The following DNAH12 variants were observed in gnomAD, a reference collection of about 807,000 sequenced individuals.
The protein encoded by DNAH12 is dynein axonemal heavy chain 12, also known as axonemal beta dynein heavy chain 12.
Under a neutral mutation model 371.5 loss-of-function variants are expected in DNAH12, and 285 were observed. The ratio of observed to expected loss-of-function variants is 0.77; its 90% confidence interval spans 0.70 to 0.85. DNAH12 has a LOEUF of 0.85. Among genes scored for constraint, DNAH12 ranks in the 40% least tolerant of loss-of-function variants. The pLI is 0.00. For synonymous variants in DNAH12, 1,200 were observed against 1,213.0 expected (o/e 0.99, Z 0.22); for missense variants, 3,611 against 3,689.4 (o/e 0.98, Z 0.55).
intron 60 of DNAH12, among the ~76,000 whole-genome samples, chr3:57,349,863 T>G (rs552010576): frequency 1.3e-5 from 2 of 152,150 alleles, no homozygotes; most frequent in African/African-American, 4.8e-5. Context: ...AATTTTTTTG[T>G]ATTTTTAGTA....
At position 57,523,731 on chromosome 3, in the gene DNAH12, T is replaced by C. The variant is rs1005063174; in HGVS notation, c.252+72A>G. ...TTATTCCTTTTAAAAACATCAGTTA[T>C]ATTGAGATTGTCTTAACTACAAATT... On this transcript the variant is annotated intron_variant, in intron 3 of 73. Transcript: ENST00000495027. 11 of 1,399,966 alleles carry C rather than the reference T, an allele frequency of 7.9e-6. No homozygotes were observed. The African/African-American group carries it at 8.8e-5, about 11-fold the overall frequency. 86.7% of individuals were successfully genotyped at this position (1,399,966 alleles called of 1,614,324 possible).
chr3:57,350,887 CT>C (rs2062655279), intron 60 of DNAH12, among the ~76,000 whole-genome samples: 1 of 152,188 alleles, frequency 6.6e-6, no homozygotes, highest in Non-Finnish European at 1.5e-5. Context: ...AAGTGTTCAA[CT>C]TCATTAGTCA....
At chr3:57,482,908 A>C in intron 13 of DNAH12, among the ~76,000 whole-genome samples, 1 of 112,670 alleles carries the variant, frequency 8.9e-6, no homozygotes. Context: ...AACATCACAC[A>C]CCGGGGACTG....
At chr3:57,373,507 G>A (rs2153338140) in intron 55 of DNAH12, among the ~76,000 whole-genome samples, 1 of 146,304 alleles carries the variant, frequency 6.8e-6, no homozygotes, top group South Asian at 2.2e-4. Context: ...TGTATTTTCA[G>A]TAGAGGTGGG....
intron 29 of DNAH12, among the ~76,000 whole-genome samples, chr3:57,442,580 AAGTC>A (rs2065342467): frequency 6.6e-6 from 1 of 152,218 alleles, no homozygotes; most frequent in African/African-American, 2.4e-5. Context: ...AATCCAAAAG[AAGTC>A]AGTAAAACAA....
intron 2 of DNAH12, chr3:57,530,353 CT>C (rs1279559728): frequency 1.7e-5 from 8 of 465,848 alleles, no homozygotes; most frequent in African/African-American, 5.9e-5. Flanking sequence ...ATTTATTTGC[CT>C]TTCTGGGCCT....
chr3:57,299,867 T>C (rs999296922), intron 70 of DNAH12, among the ~76,000 whole-genome samples: 2 of 152,086 alleles, frequency 1.3e-5, no homozygotes, highest in African/African-American at 4.8e-5. Flanking sequence ...CTGAACTGAC[T>C]AAAAAGGAGA....
chr3:57,334,841 C>A lies in DNAH12; in HGVS notation c.9774G>T (p.Gln3258His). Reference sequence around the variant, plus strand: ...GACAGATTTCCTCCCAGCTTTTGTCCTGTAGCCAAGTTGGATCAGGATTTT... The same window carrying A: ...GACAGATTTCCTCCCAGCTTTTGTCATGTAGCCAAGTTGGATCAGGATTTT... Reference protein sequence around the residue: ...AEKNPDPTWLQDKSWEEICRA... With the variant: ...AEKNPDPTWLHDKSWEEICRA... Residue 3258 changes from glutamine to histidine, a missense_variant, in exon 61 of 74, where the codon CAG (glutamine) becomes CAT (histidine). Around this residue, in one of 3 missense-constraint regions of DNAH12, gnomAD observed 2,266 missense variants for 2,236.9 expected, o/e 1.01. Coordinates refer to ENST00000495027, the MANE Select transcript of DNAH12 (RefSeq NM_001366028.2). The A allele has an allele frequency of 6.4e-7, 1 of 1,552,056 alleles. No homozygotes were observed. Among genetic ancestry groups the A allele is most frequent in the Non-Finnish European group, 8.7e-7 (1 of 1,147,066 alleles).
intron 4 of DNAH12, among the ~76,000 whole-genome samples, chr3:57,511,836 A>T (rs1204639581): frequency 6.6e-6 from 1 of 152,206 alleles, no homozygotes; most frequent in Non-Finnish European, 1.5e-5. Flanking sequence ...GAAGGTTTTA[A>T]TAACTATTTC....
At chr3:57,463,253 G>T (rs2066107781) in intron 17 of DNAH12, among the ~76,000 whole-genome samples, 1 of 151,142 alleles carries the variant, frequency 6.6e-6, no homozygotes, top group Non-Finnish European at 1.5e-5. Context: ...CGGCCTGGGT[G>T]ACAGAGTGAG....
At chr3:57,326,076 C>G (rs1454746859) in intron 62 of DNAH12, among the ~76,000 whole-genome samples, 3 of 152,090 alleles carry the variant, frequency 2.0e-5, no homozygotes, top group African/African-American at 7.2e-5. Flanking sequence ...ACCAAATCTA[C>G]GTCTGATTGG....
chr3:57,428,713 G>T lies in DNAH12; in HGVS notation c.5173C>A (p.Pro1725Thr). The T allele has an allele frequency of 6.4e-7, 1 of 1,551,524 alleles. No individual in the cohort carries two copies. Among genetic ancestry groups the T allele is most frequent in the Non-Finnish European group, 8.7e-7 (1 of 1,146,942 alleles). The change falls in exon 34 of 74, where the codon CCA (proline) becomes ACA (threonine). Residue 1725 changes from proline to threonine, a missense_variant. Coordinates refer to ENST00000495027, the MANE Select transcript of DNAH12 (RefSeq NM_001366028.2). Reference protein sequence around the residue: ...LNSLKGPLCEPEYQALLRGLF... With the variant: ...LNSLKGPLCETEYQALLRGLF... ...CCTCTCAGAAGAGCTTGATATTCTG[G>T]TTCACACAGAGGTCCTTTCAGTGAA...
intron 11 of DNAH12, among the ~76,000 whole-genome samples, chr3:57,495,594 T>C (rs2067283816): frequency 6.8e-6 from 1 of 146,778 alleles, no homozygotes; most frequent in African/African-American, 2.5e-5. Flanking sequence ...CAAAAAAATA[T>C]ACATATATTT....
chr3:57,425,660 A>G (rs933824939), intron 34 of DNAH12, among the ~76,000 whole-genome samples: 7 of 152,240 alleles, frequency 4.6e-5, no homozygotes, highest in South Asian at 2.1e-4. Context: ...ATTATATTAC[A>G]CAATTATACA....
chr3:57,395,317 T>C (rs959698731), intron 43 of DNAH12, among the ~76,000 whole-genome samples: 1 of 152,198 alleles, frequency 6.6e-6, no homozygotes, highest in Non-Finnish European at 1.5e-5. Flanking sequence ...AAGCTGGTTG[T>C]TAAACATTTG....
At chr3:57,516,224 C>T (rs137983513) in intron 4 of DNAH12, among the ~76,000 whole-genome samples, 3,557 of 151,920 alleles carry the variant, frequency 0.023, 66 homozygotes, top group Middle Eastern at 0.034. Flanking sequence ...CCACCATGCC[C>T]GGCTAATTTT....
intron 33 of DNAH12, among the ~76,000 whole-genome samples, chr3:57,429,257 A>G (rs938128960): frequency 1.3e-5 from 2 of 151,364 alleles, no homozygotes; most frequent in African/African-American, 4.9e-5. Context: ...GCTCACTGCA[A>G]CCTCCACCTC....
chr3:57,441,236 T>C lies in DNAH12; in HGVS notation c.4545+3461A>G, dbSNP rs143832599. On this transcript the variant is annotated intron_variant, in intron 29 of 73. Coordinates refer to ENST00000495027, the MANE Select transcript of DNAH12 (RefSeq NM_001366028.2). ...TCTAAAAAGAACCAATTGGACACAC[T>C]AGAACTAAAAAGATCAAAATATGTG... Among the ~76,000 whole-genome samples the C allele has an allele frequency of 4.3e-3, 648 of 152,196 alleles. 2 individuals carry two copies. The highest frequency in any genetic ancestry group is 7.4e-3 in the African/African-American group (309 of 41,552).
At chr3:57,326,767 A>AT (rs1369431010) in intron 62 of DNAH12, among the ~76,000 whole-genome samples, 2 of 152,200 alleles carry the variant, frequency 1.3e-5, no homozygotes, top group Non-Finnish European at 2.9e-5. Flanking sequence ...AGACTGGCAA[A>AT]TTGGATAAAG....
Sources: gnomAD v4.1 joint callset for allele counts (sites outside exome capture counted in the v4.1 genomes callset) on GRCh38, gnomAD v4.1.1 for gene constraint, gnomAD v4.1.1 regional missense constraint, MANE v1.5 for transcripts, NCBI Gene and HGNC (gene_info 2026-07-23, HGNC 2026-07-21) for gene names.